HDAC1: variants seen among roughly 807,000 people sequenced by gnomAD.
The protein encoded by HDAC1 is histone deacetylase 1, also known as protein deacetylase HDAC1.
HDAC1 carries 18 observed loss-of-function variants against 65.5 expected under a neutral mutation model. That is an observed-to-expected ratio of 0.27 (90% CI 0.19 to 0.41). The LOEUF (loss-of-function observed/expected upper bound fraction) is 0.41, where lower values mean the gene tolerates loss of function less well. Ranked by LOEUF, HDAC1 falls within the 10% of genes least tolerant of loss-of-function variation. The pLI is 1.00. For synonymous variants in HDAC1, 211 were observed against 227.9 expected, an observed-to-expected ratio of 0.93 and a Z score of 0.67; for missense variants, 373 against 625.2, an observed-to-expected ratio of 0.60 and a Z score of 4.30.
chr1:32,301,475 G>A (rs904741408), intron 1 of HDAC1, among the ~76,000 whole-genome samples: 5 of 142,084 alleles, frequency 3.5e-5, no homozygotes, highest in Non-Finnish European at 7.7e-5. Flanking sequence ...GTAAAAGAAA[G>A]TCCTTGAATG....
intron 2 of HDAC1, among the ~76,000 whole-genome samples, chr1:32,309,700 A>C (rs1259714791): frequency 1.3e-5 from 2 of 148,636 alleles, no homozygotes; most frequent in East Asian, 1.9e-4. Context: ...AAAAAAAAAA[A>C]AACAAGCCTT....
rs773131147 is a variant in HDAC1 at position 32,326,931 on chromosome 1, A to G, written c.356-8A>G. On this transcript the variant is annotated splice_region_variant and splice_polypyrimidine_tract_variant and intron_variant, in intron 4 of 13. Coordinates refer to ENST00000373548, the MANE Select transcript of HDAC1 (RefSeq NM_004964.3). ...TAACAGGCTTATGTTCTCTTTTCTC[A>G]TGCCCAGCAAGTGCTGTGAAACTTA... is the stretch of plus-strand genomic sequence containing the variant. 2.5e-6 allele frequency: 4 copies of G among 1,613,272 alleles called. No individual in the cohort carries two copies. In the Admixed American group the frequency reaches 6.7e-5, roughly 27 times the overall value.
At position 32,292,235 on chromosome 1, in the gene HDAC1, C is replaced by T. The variant is rs1207508664; in HGVS notation, c.49+17C>T. 6.5e-7 allele frequency: 1 copy of T among 1,547,922 alleles called. No individual in the cohort carries two copies. Among genetic ancestry groups the T allele is most frequent in the Non-Finnish European group, 8.7e-7 (1 of 1,146,086 alleles). On this transcript the variant is annotated intron_variant, in intron 1 of 13. Coordinates refer to ENST00000373548, the MANE Select transcript of HDAC1 (RefSeq NM_004964.3). ...ACTACGACGGTGAGCACCGTCCTCG[C>T]GGCGGGGGCGGGGCCAGGCCGGGCC...
chr1:32,329,026 A>G lies in HDAC1; in HGVS notation c.637-42A>G. ...AGCCCCTATCCTTGACCTTCCTTCA[A>G]GCTTCATCCTTCAGTTTTACTTTAA... On this transcript the variant is annotated intron_variant, in intron 6 of 13. Transcript: ENST00000373548. The surrounding 1 kb of genome is among the most constrained non-coding windows in gnomAD (Gnocchi z 4.1). 8.2e-7 allele frequency: 1 copy of G among 1,216,888 alleles called. No individual in the cohort carries two copies. The allele number at this position is 1,216,888 out of a possible 1,614,324, so 75.4% of individuals were successfully genotyped here.
At position 32,327,691 on chromosome 1, in the gene HDAC1, T is replaced by C. The variant is rs1165432494; in HGVS notation, c.636+14T>C. On this transcript the variant is annotated intron_variant, in intron 6 of 13. Transcript: ENST00000373548. This position sits in a 1 kb window ranked among gnomAD's most constrained non-coding sequence, Gnocchi z 6.0. ...GGGGACCTACGGGTGAGAACGCCCT[T>C]TAGGAGCCAACCGGCTTACCCTCAG... is the stretch of plus-strand genomic sequence containing the variant. 2.5e-6 allele frequency: 4 copies of C among 1,613,662 alleles called. No individual in the cohort carries two copies. In the South Asian group the frequency reaches 4.4e-5, roughly 18 times the overall value.
chr1:32,311,677 T>A (rs1640994743), intron 2 of HDAC1, among the ~76,000 whole-genome samples: 2 of 152,186 alleles, frequency 1.3e-5, no homozygotes, highest in African/African-American at 2.4e-5. Flanking sequence ...GTTTTCAGCC[T>A]GAGTGGATGT....
intron 3 of HDAC1, among the ~76,000 whole-genome samples, chr1:32,318,894 A>C (rs567790964): frequency 6.6e-6 from 1 of 152,028 alleles, no homozygotes; most frequent in East Asian, 1.9e-4. Context: ...TGAGGCAAGC[A>C]GATCACCTGG....
intron 2 of HDAC1, among the ~76,000 whole-genome samples, chr1:32,304,815 C>T (rs1050059718): frequency 2.0e-5 from 3 of 152,130 alleles, no homozygotes; most frequent in African/African-American, 4.8e-5. Flanking sequence ...CCGCCTGCCT[C>T]GGCCTCCCAA....
chr1:32,293,773 G>A (rs751087367), intron 1 of HDAC1, among the ~76,000 whole-genome samples: 3 of 151,772 alleles, frequency 2.0e-5, no homozygotes, highest in African/African-American at 4.8e-5. Flanking sequence ...GTGGTGGTGC[G>A]CACCTGTAAT....
At chr1:32,332,567 G>C (rs1423443473) in intron 12 of HDAC1, 134 bp from the exon 13 acceptor site, 5 of 702,886 alleles carry the variant, frequency 7.1e-6, no homozygotes, top group Middle Eastern at 3.9e-4. Context: ...TCACTGGGAG[G>C]ACCAGGGATG....
At chr1:32,324,619 C>T (rs970358218) in intron 4 of HDAC1, 66 bp downstream of exon 4, 14 of 1,050,622 alleles carry the variant, frequency 1.3e-5, no homozygotes, top group Non-Finnish European at 1.9e-5. Context: ...GCCTTTTAGG[C>T]TGCTATCCTA....
intron 2 of HDAC1, among the ~76,000 whole-genome samples, chr1:32,312,689 T>G (rs1475256187): frequency 6.6e-6 from 1 of 150,922 alleles, no homozygotes. Context: ...GTTTGCTTGT[T>G]TTTTGAGACA....
chr1:32,314,781 G>A (rs960180682), intron 2 of HDAC1, among the ~76,000 whole-genome samples: 11 of 148,500 alleles, frequency 7.4e-5, no homozygotes, highest in African/African-American at 1.3e-4. Context: ...AGCCGAGATC[G>A]CGCCACTGCA....
At chr1:32,316,531 T>G (rs2148065152) in intron 2 of HDAC1, 134 bp from the exon 3 acceptor site, 1 of 654,552 alleles carries the variant, frequency 1.5e-6, no homozygotes, top group South Asian at 1.9e-5. Flanking sequence ...GAAGCCTGAA[T>G]CTAACCAGTT....
At chr1:32,294,505 A>G (rs1268183518) in intron 1 of HDAC1, among the ~76,000 whole-genome samples, 1 of 137,818 alleles carries the variant, frequency 7.3e-6, no homozygotes, top group African/African-American at 2.7e-5. Context: ...ATGTCAGTTG[A>G]TAACTTTTTT....
chr1:32,318,187 G>T (rs1641090049), intron 3 of HDAC1, among the ~76,000 whole-genome samples: 1 of 152,228 alleles, frequency 6.6e-6, no homozygotes, highest in African/African-American at 2.4e-5. Flanking sequence ...GACCTCAGGT[G>T]ATATGCCAGC....
At chr1:32,332,289 G>C (rs771396747) in intron 12 of HDAC1, 47 bp downstream of exon 12, 13 of 1,567,722 alleles carry the variant, frequency 8.3e-6, no homozygotes, top group Non-Finnish European at 3.5e-6. Flanking sequence ...CTGAGAGGAT[G>C]AATCTATGTA....
At chr1:32,326,456 C>T (rs561832940) in intron 4 of HDAC1, among the ~76,000 whole-genome samples, 20 of 152,134 alleles carry the variant, frequency 1.3e-4, no homozygotes, top group African/African-American at 2.4e-4. Flanking sequence ...TGAGCCACCG[C>T]GCATGGCCTA....
chr1:32,332,083 C>G lies in HDAC1; in HGVS notation c.1220-7C>G. 1 of 1,587,488 alleles carries G rather than the reference C, an allele frequency of 6.3e-7. No homozygotes were observed. ...CCCTCTCACCCATGCTTCCCACTCC[C>G]TCCCAGTCTGCTCCTCTGACAAACG... is the stretch of plus-strand genomic sequence containing the variant. On this transcript the variant is annotated splice_polypyrimidine_tract_variant and splice_region_variant and intron_variant, in intron 11 of 13. Coordinates refer to ENST00000373548, the MANE Select transcript of HDAC1 (RefSeq NM_004964.3).
Sources: allele counts gnomAD v4.1 joint callset (sites outside exome capture counted in the v4.1 genomes callset), GRCh38; gene constraint gnomAD v4.1.1; non-coding constraint Gnocchi (gnomAD v3.1); transcripts MANE v1.5; gene names NCBI Gene and HGNC (gene_info 2026-07-23, HGNC 2026-07-21).